The following PDGFB variants were observed in gnomAD, a reference collection of about 807,000 sequenced individuals.
PDGFB encodes the protein platelet derived growth factor subunit B.
A neutral mutation model predicts 29.0 loss-of-function variants in PDGFB; 6 were observed. The observed-to-expected ratio is 0.21, with a 90% confidence interval of 0.11 to 0.41. The LOEUF (loss-of-function observed/expected upper bound fraction) is 0.41. Among genes scored for constraint, PDGFB ranks in the 10% least tolerant of loss-of-function variants. The pLI is 1.00. For missense variants in PDGFB, 299 were observed against 341.8 expected (o/e 0.87, Z 0.99); for synonymous variants, 144 against 140.8 (o/e 1.02, Z -0.16).
intron 5 of PDGFB, among the ~76,000 whole-genome samples, chr22:39,229,137 T>C (rs1472203759): frequency 6.6e-6 from 1 of 152,160 alleles, no homozygotes; most frequent in Non-Finnish European, 1.5e-5. Context: ...AGAAAGTTAC[T>C]GAAAAAGAAC....
intron 5 of PDGFB, 53 bp downstream of exon 5, chr22:39,230,031 C>A (rs547573386): frequency 6.3e-7 from 1 of 1,593,296 alleles, no homozygotes; most frequent in South Asian, 1.1e-5. Flanking sequence ...GGCCCCTGCC[C>A]CCAGCTGCTG....
intron 5 of PDGFB, among the ~76,000 whole-genome samples, chr22:39,228,918 A>C (rs1932233222): frequency 6.7e-6 from 1 of 149,218 alleles, no homozygotes; most frequent in Admixed American, 6.7e-5. Flanking sequence ...AGATATATAT[A>C]ATTTTCCCTT....
chr22:39,228,522 G>C (rs1451055919), intron 5 of PDGFB, among the ~76,000 whole-genome samples: 9 of 152,072 alleles, frequency 5.9e-5, no homozygotes, highest in Admixed American at 5.9e-4. Context: ...CCAGGAAGGA[G>C]TTCAAGGCTG....
intron 2 of PDGFB, 62 bp from the exon 3 acceptor site, chr22:39,233,586 C>T (rs1294338488): frequency 1.2e-5 from 15 of 1,228,064 alleles, no homozygotes; most frequent in East Asian, 5.2e-5. Flanking sequence ...CTCCCTCCGC[C>T]GGGGTGTCTG....
chr22:39,230,372 CT>C, intron 4 of PDGFB, 144 bp from the exon 5 acceptor site: 1 of 746,752 alleles, frequency 1.3e-6, no homozygotes, highest in South Asian at 1.6e-5. Context: ...GGGGCAAAAG[CT>C]TTGGCCCAAA....
Position 39,243,845 on chromosome 22 carries a change from A to AG in PDGFB, c.63+55dup, listed in dbSNP as rs573754683. The AG allele has an allele frequency of 1.1e-4, 153 of 1,419,120 alleles. No homozygotes were observed. The highest frequency in any genetic ancestry group is 1.9e-4 in the African/African-American group (13 of 69,844). 87.9% of individuals were successfully genotyped at this position (1,419,120 alleles called of 1,614,324 possible). A position where few individuals can be genotyped will look rare whatever the true frequency, so the allele number is the denominator to read the frequency against. ...GCAGGGAGAGGAGGGGGCGGTCAGA[A>AG]GGGGGGGGCGAAGGTAATGAATGAA... is the stretch of plus-strand genomic sequence containing the variant. On this transcript the variant is annotated intron_variant, in intron 1 of 6. Transcript: ENST00000331163. The surrounding 1 kb of genome is among the most constrained non-coding windows in gnomAD (Gnocchi z 6.4).
At position 39,242,282 on chromosome 22, in the gene PDGFB, G is replaced by C. The variant is rs1330265644; in HGVS notation, c.63+1619C>G. The stretch of plus-strand genomic sequence containing the variant: ...AGCGCAGCATCGCCTCCGGCCAGGA[G>C]TGTGCATGCGTGGGGTGAGTGAGCG... On this transcript the variant is annotated intron_variant, in intron 1 of 6. Transcript: ENST00000331163. This position sits in a 1 kb window ranked among gnomAD's most constrained non-coding sequence, Gnocchi z 5.7. The C allele has an allele frequency of 1.4e-5, 3 of 209,668 alleles. No homozygotes were observed. Among genetic ancestry groups the C allele is most frequent in the Non-Finnish European group, 1.9e-5 (2 of 103,212 alleles). 13.0% of individuals were successfully genotyped at this position (209,668 alleles called of 1,614,324 possible). A position where few individuals can be genotyped will look rare whatever the true frequency, so the allele number is the denominator to read the frequency against.
At chr22:39,237,411 G>A (rs1024789801) in intron 1 of PDGFB, among the ~76,000 whole-genome samples, 1 of 152,182 alleles carries the variant, frequency 6.6e-6, no homozygotes, top group South Asian at 2.1e-4. Context: ...GGGCTGCTGG[G>A]CAACTTGAGG....
intron 1 of PDGFB, chr22:39,241,275 C>T (rs1250744513): frequency 5.3e-5 from 22 of 412,766 alleles, no homozygotes; most frequent in African/African-American, 3.9e-5. Context: ...AAGATTAGTC[C>T]GAGCACGACC....
Position 39,231,907 on chromosome 22 carries a change from C to A in PDGFB, c.251-80G>T. ...CTTGGCAGGGGAGCTCAGCGGGTGC[C>A]TCCGGGACTGCTCTTTCTCACGCCC... On this transcript the variant is annotated intron_variant, in intron 3 of 6. Transcript: ENST00000331163. This position sits in a 1 kb window ranked among gnomAD's most constrained non-coding sequence, Gnocchi z 4.3. 1 of 1,207,646 alleles carries A rather than the reference C, an allele frequency of 8.3e-7. No homozygotes were observed. The highest frequency in any genetic ancestry group is 1.2e-6 in the Non-Finnish European group (1 of 857,632). 74.8% of individuals were successfully genotyped at this position (1,207,646 alleles called of 1,614,324 possible).
intron 1 of PDGFB, among the ~76,000 whole-genome samples, chr22:39,239,291 A>G (rs1601602041): frequency 6.6e-6 from 1 of 152,028 alleles, no homozygotes; most frequent in African/African-American, 2.4e-5. Context: ...TGCCCATGAA[A>G]GAGTGCGTGA....
intron 2 of PDGFB, 28 bp downstream of exon 2, chr22:39,235,750 C>G: frequency 1.9e-6 from 3 of 1,538,932 alleles, no homozygotes; most frequent in Non-Finnish European, 2.7e-6. Context: ...CTCGGAGGGC[C>G]GGAGCGCGGG....
At chr22:39,236,385 G>T (rs1363961156) in intron 1 of PDGFB, among the ~76,000 whole-genome samples, 2 of 152,182 alleles carry the variant, frequency 1.3e-5, no homozygotes, top group African/African-American at 4.8e-5. Context: ...GGTACAAGAG[G>T]TGCTTAATAA....
At position 39,242,910 on chromosome 22, in the gene PDGFB, C is replaced by G. The variant is rs2146457464; in HGVS notation, c.63+991G>C. On this transcript the variant is annotated intron_variant, in intron 1 of 6. Transcript: ENST00000331163. The surrounding 1 kb of genome is among the most constrained non-coding windows in gnomAD (Gnocchi z 5.7). Reference sequence around the variant, plus strand: ...CCTCCACCGCGCGCGTCGTCCTGCCCCGCCCCCTTTCCCACCTGGATTCCG... The same window carrying G: ...CCTCCACCGCGCGCGTCGTCCTGCCGCGCCCCCTTTCCCACCTGGATTCCG... 4.3e-6 allele frequency: 1 copy of G among 233,150 alleles called. No individual in the cohort carries two copies. The highest frequency in any genetic ancestry group is 1.8e-4 in the South Asian group (1 of 5,536). The allele number at this position is 233,150 out of a possible 1,614,324, so 14.4% of individuals were successfully genotyped here.
In PDGFB at chr22:39,231,401, G is replaced by A. The variant is rs1932299392; in HGVS notation, c.456+221C>T. The stretch of plus-strand genomic sequence containing the variant: ...CTGTCTGTGGCTTTTGGCTACAGTG[G>A]CCTGAGCCACCTCAGAGGACTCATG... On this transcript the variant is annotated intron_variant, in intron 4 of 6. Transcript: ENST00000331163. This position sits in a 1 kb window ranked among gnomAD's most constrained non-coding sequence, Gnocchi z 4.3. Among the ~76,000 whole-genome samples the A allele has an allele frequency of 6.6e-6, 1 of 152,134 alleles. No homozygotes were observed.
rs1932594515 is a variant in PDGFB at position 39,242,628 on chromosome 22, A to G, written c.63+1273T>C. On this transcript the variant is annotated intron_variant, in intron 1 of 6. Coordinates refer to ENST00000331163, the MANE Select transcript of PDGFB (RefSeq NM_002608.4). This position sits in a 1 kb window ranked among gnomAD's most constrained non-coding sequence, Gnocchi z 5.7. The stretch of plus-strand genomic sequence containing the variant: ...GCGGCCCTCGAGGAGCCCCGAGAAC[A>G]AAAGGAGACGGCGACGGCTCCTCCG... Among the ~76,000 whole-genome samples, 1 of 151,552 alleles carries G rather than the reference A, an allele frequency of 6.6e-6. No homozygotes were observed. The highest frequency in any genetic ancestry group is 6.6e-5 in the Admixed American group (1 of 15,240).
intron 1 of PDGFB, 49 bp from the exon 2 acceptor site, chr22:39,235,923 C>G (rs1932432865): frequency 7.9e-7 from 1 of 1,267,718 alleles, no homozygotes; most frequent in Non-Finnish European, 1.1e-6. Flanking sequence ...TGGGGGCTTT[C>G]CAGCATGGCT....
chr22:39,235,981 A>T, intron 1 of PDGFB, 107 bp from the exon 2 acceptor site: 1 of 769,026 alleles, frequency 1.3e-6, no homozygotes, highest in Admixed American at 2.1e-5. Context: ...GAAAGCTCCA[A>T]GGTCACAGGG....
rs1254246280 is a variant in PDGFB, at chr22:39,243,187, C to G, written c.63+714G>C. On this transcript the variant is annotated intron_variant, in intron 1 of 6. Transcript: ENST00000331163. The surrounding 1 kb of genome is among the most constrained non-coding windows in gnomAD (Gnocchi z 6.4). ...TCAGAGCCCCTAGTCCTCCCCCTAC[C>G]CGAGTGCCCGAAACCTACCTGCGTC... Among the ~76,000 whole-genome samples the G allele has an allele frequency of 2.6e-5, 4 of 152,160 alleles. No individual in the cohort carries two copies. The highest frequency in any genetic ancestry group is 5.9e-5 in the Non-Finnish European group (4 of 68,022).
Sources: allele counts gnomAD v4.1 joint callset (sites outside exome capture counted in the v4.1 genomes callset), GRCh38; gene constraint gnomAD v4.1.1; non-coding constraint Gnocchi (gnomAD v3.1); transcripts MANE v1.5; gene names NCBI Gene and HGNC (gene_info 2026-07-23, HGNC 2026-07-21).